The following CPEB1 variants were observed in gnomAD, a reference collection of about 807,000 sequenced individuals.
The protein encoded by CPEB1 is cytoplasmic polyadenylation element binding protein 1.
CPEB1 carries 7 observed loss-of-function variants against 65.8 expected under a neutral mutation model. That is an observed-to-expected ratio of 0.11 (90% CI 0.06 to 0.20). The LOEUF (loss-of-function observed/expected upper bound fraction) is 0.20. Among genes scored for constraint, CPEB1 ranks in the 10% least tolerant of loss-of-function variants. The pLI is 1.00. For synonymous variants in CPEB1, 262 were observed against 260.0 expected, an observed-to-expected ratio of 1.01 and a Z score of -0.08; for missense variants, 551 against 712.2, an observed-to-expected ratio of 0.77 and a Z score of 2.58.
chr15:82,590,316 A>AT (rs1278418519), intron 3 of CPEB1, among the ~76,000 whole-genome samples: 1 of 150,036 alleles, frequency 6.7e-6, no homozygotes, highest in African/African-American at 2.5e-5. Flanking sequence ...CATTACACAT[A>AT]TTTTTTCCTC....
rs551922444 is a variant in CPEB1, at chr15:82,546,447, T to G, written c.1650A>C (p.Arg550=). 1.4e-5 allele frequency: 22 copies of G among 1,613,480 alleles called. No homozygotes were observed. Among genetic ancestry groups the G allele is most frequent in the Non-Finnish European group, 1.4e-5 (16 of 1,179,610 alleles). Residue 550 remains arginine, a synonymous_variant, in exon 12 of 13, where the codon CGA becomes CGC. Transcript: ENST00000684509. ...CSSQPGPFFC[R]DQVCFKYFCR... ...TCATAGACATCGGACCCACCTGATC[T>G]CGACAGAAGAAAGGACCAGGCTGAG... is the stretch of plus-strand genomic sequence containing the variant.
chr15:82,610,521 A>C (rs891952389), intron 3 of CPEB1, among the ~76,000 whole-genome samples: 2 of 152,088 alleles, frequency 1.3e-5, no homozygotes, highest in African/African-American at 2.4e-5. Context: ...GTTCATTATA[A>C]GAAAAAAAAT....
At chr15:82,625,693 A>C (rs1196202370) in intron 3 of CPEB1, among the ~76,000 whole-genome samples, 3 of 152,214 alleles carry the variant, frequency 2.0e-5, no homozygotes. Flanking sequence ...ATGTAAGTGG[A>C]CCTGCACAGT....
At chr15:82,641,652 C>T (rs1172685537) in intron 1 of CPEB1, 1 of 152,038 alleles carries the variant, frequency 6.6e-6, no homozygotes, top group Non-Finnish European at 1.5e-5. Flanking sequence ...GGGGATTCTC[C>T]TGTTACCTCA....
At chr15:82,586,671 C>CT (rs757745833) in intron 3 of CPEB1, among the ~76,000 whole-genome samples, 5 of 152,146 alleles carry the variant, frequency 3.3e-5, no homozygotes, top group Non-Finnish European at 7.3e-5. Context: ...TTTCTGTGTT[C>CT]ATCGGGAAAG....
At chr15:82,632,332 T>A (rs942285105) in intron 1 of CPEB1, among the ~76,000 whole-genome samples, 2 of 152,168 alleles carry the variant, frequency 1.3e-5, no homozygotes, top group African/African-American at 4.8e-5. Context: ...TGAAGTTAAT[T>A]TTATACAATA....
chr15:82,594,838 G>T (rs1402699379), intron 3 of CPEB1, among the ~76,000 whole-genome samples: 3 of 123,100 alleles, frequency 2.4e-5, no homozygotes, highest in Admixed American at 8.1e-5. Context: ...ATTTTGTTGT[G>T]TGTCAGGAAA....
At chr15:82,564,486 G>A (rs956053071) in intron 4 of CPEB1, among the ~76,000 whole-genome samples, 1 of 151,982 alleles carries the variant, frequency 6.6e-6, no homozygotes, top group Admixed American at 6.6e-5. Context: ...GCAGAGATGG[G>A]GTTTCACCGT....
intron 4 of CPEB1, among the ~76,000 whole-genome samples, chr15:82,569,880 CA>C (rs2039747915): frequency 6.6e-6 from 1 of 152,172 alleles, no homozygotes; most frequent in South Asian, 2.1e-4. Context: ...GAAGTGAGGA[CA>C]GGGGAGGCTG....
In CPEB1 at chr15:82,591,179, CATCT is replaced by C. The variant is rs2042221646; in HGVS notation, c.272-19651_272-19648del. 2.6e-5 allele frequency among the ~76,000 whole-genome samples: 4 copies of C among 152,280 alleles called. No homozygotes were observed. In the South Asian group the frequency reaches 8.3e-4, roughly 32 times the overall value. ...TTCCCCCCCGCCACAATCTTACCAG[CATCT>C]ATTATTTAACTTTTTAATTGTAGCC... On this transcript the variant is annotated intron_variant, in intron 3 of 12. Transcript: ENST00000684509.
At chr15:82,558,116 CAATAT>C in intron 4 of CPEB1, 130 bp from the exon 5 acceptor site, 1 of 636,502 alleles carries the variant, frequency 1.6e-6, no homozygotes, top group African/African-American at 1.8e-5. Context: ...CAGCAAAACA[CAATAT>C]AATGAACAGA....
chr15:82,575,673 A>T (rs2040574822), intron 3 of CPEB1, among the ~76,000 whole-genome samples: 2 of 152,186 alleles, frequency 1.3e-5, no homozygotes, highest in Admixed American at 1.3e-4. Flanking sequence ...ATGGCCAATA[A>T]GAACTTCAAA....
chr15:82,557,410 T>A (rs1380980625), intron 5 of CPEB1: 1 of 246,400 alleles, frequency 4.1e-6, no homozygotes, highest in Non-Finnish European at 7.7e-6. Flanking sequence ...TGACACTGTT[T>A]AAGGGCTAAA....
chr15:82,647,838 GC>G, upstream of CPEB1: 2 of 1,280,226 alleles, frequency 1.6e-6, no homozygotes, highest in South Asian at 2.6e-5. Context: ...GCCCAGGCGA[GC>G]GGCGGGTGGC....
chr15:82,575,001 CAAAACTTGTTTTATA>C (rs1229909466), intron 3 of CPEB1, among the ~76,000 whole-genome samples: 2 of 152,120 alleles, frequency 1.3e-5, no homozygotes, highest in African/African-American at 4.8e-5. Flanking sequence ...TAATTTAACA[CAAAACTTGTTTTATA>C]ATAAAGTGAT....
chr15:82,631,011 G>T (rs1030742082), intron 1 of CPEB1, among the ~76,000 whole-genome samples: 8 of 152,114 alleles, frequency 5.3e-5, no homozygotes, highest in Non-Finnish European at 1.0e-4. Flanking sequence ...AAATAACAAA[G>T]TGAGTCTTAG....
chr15:82,593,446 C>T (rs971846224), intron 3 of CPEB1, among the ~76,000 whole-genome samples: 1 of 152,210 alleles, frequency 6.6e-6, no homozygotes, highest in Non-Finnish European at 1.5e-5. Flanking sequence ...CAAATTCAGT[C>T]ACATCTTCAG....
chr15:82,574,528 G>A (rs1231194565), intron 3 of CPEB1, among the ~76,000 whole-genome samples: 1 of 151,764 alleles, frequency 6.6e-6, no homozygotes, highest in African/African-American at 2.4e-5. Flanking sequence ...GACCAGTCTG[G>A]CCAACGTGGT....
In CPEB1 at chr15:82,544,274, T is replaced by G. The variant is rs1302361505; in HGVS notation, c.*318A>C. The G allele has an allele frequency of 2.5e-5, 2 of 80,128 alleles. No homozygotes were observed. The highest frequency in any genetic ancestry group is 4.7e-5 in the Non-Finnish European group (2 of 42,694). 5.0% of individuals were successfully genotyped at this position (80,128 alleles called of 1,614,324 possible). A position where few individuals can be genotyped will look rare whatever the true frequency, so the allele number is the denominator to read the frequency against. ...CCTCAATACCTTCTGGACACGTAGT[T>G]TTTTTTTTTTTTTTTTTTTTCCCCG... On this transcript the variant is annotated 3_prime_UTR_variant, in exon 13 of 13. Transcript: ENST00000684509.
Sources: gnomAD v4.1 joint callset for allele counts (sites outside exome capture counted in the v4.1 genomes callset) on GRCh38, gnomAD v4.1.1 for gene constraint, MANE v1.5 for transcripts, NCBI Gene and HGNC (gene_info 2026-07-23, HGNC 2026-07-21) for gene names.